NCOR1: variants seen among roughly 807,000 people sequenced by gnomAD.
The protein encoded by NCOR1 is protein phosphatase 1, regulatory subunit 109.
A neutral mutation model predicts 288.1 loss-of-function variants in NCOR1; 63 were observed. The ratio of observed to expected loss-of-function variants is 0.22; its 90% CI spans 0.18 to 0.27. The LOEUF (loss-of-function observed/expected upper bound fraction) is 0.27, where lower values mean the gene tolerates loss of function less well. NCOR1 is among the 10% of genes least tolerant of loss of function. The pLI is 1.00. For synonymous variants in NCOR1, 1,007 were observed against 1,065.9 expected (o/e 0.94, Z 1.08); for missense variants, 2,397 against 3,019.2 (o/e 0.79, Z 4.83).
chr17:16,039,769 C>T, intron 43 of NCOR1, 115 bp from the exon 44 acceptor site: 1 of 916,786 alleles, frequency 1.1e-6, no homozygotes, highest in South Asian at 1.6e-5. Context: ...TGACCTAGAA[C>T]AATACCAGGA....
Position 16,098,514 on chromosome 17 carries a change from A to G in NCOR1, c.2691-18T>C. On this transcript the variant is annotated intron_variant, in intron 20 of 45. Transcript: ENST00000268712. ...GAAACATTCTGCAATTGCAATTTAAAAAAAAGATAAATGAATACATTTTTA... is the reference window on the plus strand; with the variant it reads ...GAAACATTCTGCAATTGCAATTTAAGAAAAAGATAAATGAATACATTTTTA... 1.3e-6 allele frequency: 2 copies of G among 1,593,448 alleles called. No individual in the cohort carries two copies. The highest frequency in any genetic ancestry group is 1.7e-6 in the Non-Finnish European group (2 of 1,169,888).
chr17:16,053,538 A>T (rs757213908), intron 40 of NCOR1, among the ~76,000 whole-genome samples: 1 of 152,210 alleles, frequency 6.6e-6, no homozygotes, highest in African/African-American at 2.4e-5. Flanking sequence ...AAAGAGATAA[A>T]AGATGAAAAG....
rs118011421 is a variant in NCOR1 at position 16,053,284 on chromosome 17, T to A, written c.6392+4230A>T. ...CTGTTTGCAGACATAATCCCATATCTAGAAAACTCCATAGTCTCAGCCCCA... is the reference window on the plus strand; with the variant it reads ...CTGTTTGCAGACATAATCCCATATCAAGAAAACTCCATAGTCTCAGCCCCA... On this transcript the variant is annotated intron_variant, in intron 40 of 45. Transcript: ENST00000268712. Among the ~76,000 whole-genome samples the A allele has an allele frequency of 2.6e-4, 39 of 152,284 alleles. No homozygotes were observed. The East Asian group carries it at 7.1e-3, about 28-fold the overall frequency.
At chr17:16,076,245 T>C (rs1203045999) in intron 26 of NCOR1, among the ~76,000 whole-genome samples, 1 of 152,232 alleles carries the variant, frequency 6.6e-6, no homozygotes, top group Non-Finnish European at 1.5e-5. Flanking sequence ...ATGAAAATTA[T>C]GTTATACAAA....
intron 18 of NCOR1, among the ~76,000 whole-genome samples, chr17:16,109,698 A>G (rs1054433979): frequency 3.3e-5 from 5 of 152,096 alleles, no homozygotes; most frequent in Non-Finnish European, 7.4e-5. Context: ...GCAACAACTC[A>G]TCATTGATAT....
intron 42 of NCOR1, among the ~76,000 whole-genome samples, chr17:16,043,598 T>G (rs142179198): frequency 6.6e-6 from 1 of 152,296 alleles, no homozygotes; most frequent in Non-Finnish European, 1.5e-5. Context: ...AAAGTAGGCT[T>G]CTTCAGTTCA....
At chr17:16,214,907 T>C (rs1300755045) in intron 1 of NCOR1, among the ~76,000 whole-genome samples, 1 of 152,262 alleles carries the variant, frequency 6.6e-6, no homozygotes, top group Non-Finnish European at 1.5e-5. Context: ...TAATTTACTC[T>C]GCACGCACTT....
intron 14 of NCOR1, among the ~76,000 whole-genome samples, chr17:16,136,136 A>T (rs2076361086): frequency 6.6e-6 from 1 of 152,166 alleles, no homozygotes; most frequent in African/African-American, 2.4e-5. Flanking sequence ...AACTGTGAAA[A>T]CTAACCTTTT....
chr17:16,103,644 A>G (rs2068034841), intron 19 of NCOR1, among the ~76,000 whole-genome samples: 1 of 152,244 alleles, frequency 6.6e-6, no homozygotes, highest in Non-Finnish European at 1.5e-5. Flanking sequence ...GAGACTTTGT[A>G]CATGCCATTC....
At chr17:16,108,756 G>C (rs772785628) in intron 19 of NCOR1, 30 bp downstream of exon 19, 79 of 1,566,680 alleles carry the variant, frequency 5.0e-5, no homozygotes, top group Non-Finnish European at 6.4e-5. Context: ...GATAGCAGAT[G>C]TCACAACTAA....
intron 1 of NCOR1, among the ~76,000 whole-genome samples, chr17:16,205,147 G>C (rs1180801167): frequency 1.3e-5 from 2 of 151,806 alleles, no homozygotes; most frequent in Admixed American, 6.6e-5. Flanking sequence ...TTGAACCCAG[G>C]AGGCAGAGAT....
At position 16,141,568 on chromosome 17, in the gene NCOR1, C is replaced by T. The variant is rs535752276; in HGVS notation, c.1173+2038G>A. On this transcript the variant is annotated intron_variant, in intron 11 of 45. Transcript: ENST00000268712. Reference sequence around the variant, plus strand: ...ATATACTTTTATTTAGTTATGAATGCAAAACAGGGTATCATAATTAAATAC... The same window carrying T: ...ATATACTTTTATTTAGTTATGAATGTAAAACAGGGTATCATAATTAAATAC... Among the ~76,000 whole-genome samples, 176 of 152,068 alleles carry T rather than the reference C, an allele frequency of 1.2e-3. 1 individual carries two copies. The highest frequency in any genetic ancestry group is 4.0e-3 in the African/African-American group (168 of 41,490).
rs369195312 is a variant in NCOR1 at position 16,101,303 on chromosome 17, G to A, written c.2637C>T (p.Ser879=). 7.2e-5 allele frequency: 116 copies of A among 1,613,492 alleles called. 1 individual carries two copies. The African/African-American group carries it at 1.3e-3, about 18-fold the overall frequency. ...CCTCATCAGCGCTGCACGTGGCACT[G>A]GAATCATTGTCTGACTGGGGCTCGG... ...QRPEPQSDND[S]SATCSADEDV... Residue 879 remains serine (S), a synonymous_variant, in exon 20 of 46, where the codon TCC becomes TCT. Transcript: ENST00000268712.
chr17:16,166,192 A>G (rs75741921), intron 4 of NCOR1, among the ~76,000 whole-genome samples: 3 of 152,188 alleles, frequency 2.0e-5, no homozygotes, highest in African/African-American at 7.2e-5. Context: ...AACCTGTACA[A>G]TTCTGTAAGG....
At position 16,061,569 on chromosome 17, in the gene NCOR1, T is replaced by C. The variant is rs1282517546; in HGVS notation, c.5713A>G (p.Lys1905Glu). Residue 1905 changes from lysine (K) to glutamate (E), a missense_variant, in exon 37 of 46, where the codon AAA (lysine) becomes GAA (glutamate). By Grantham distance (56) the Lys-to-Glu change is moderately conservative (BLOSUM62 1). Around this residue, in one of 11 missense-constraint regions of NCOR1, gnomAD observed 1,872 missense variants for 2,187.8 expected, o/e 0.86. Coordinates refer to ENST00000268712, the MANE Select transcript of NCOR1 (RefSeq NM_006311.4). ...GATTTTGGAGGAGGCCCTTTATCTTTCCCAGCCTCAGAATAAACTACTGAA... is the reference window on the plus strand; with the variant it reads ...GATTTTGGAGGAGGCCCTTTATCTTCCCCAGCCTCAGAATAAACTACTGAA... ...HSSVVYSEAG[K>E]DKGPPPKSRY... is the part of the protein sequence containing the mutation. The C allele has an allele frequency of 6.2e-7, 1 of 1,614,224 alleles. No individual in the cohort carries two copies. The highest frequency in any genetic ancestry group is 1.7e-5 in the Admixed American group (1 of 60,022).
At chr17:16,126,248 A>T in intron 14 of NCOR1, 42 bp from the exon 15 acceptor site, 1 of 1,503,866 alleles carries the variant, frequency 6.6e-7, no homozygotes. Context: ...AAAGGCAAAC[A>T]GAAATAGCTC....
chr17:16,074,580 T>C (rs1262532230), intron 27 of NCOR1, among the ~76,000 whole-genome samples: 4 of 152,318 alleles, frequency 2.6e-5, no homozygotes, highest in Non-Finnish European at 5.9e-5. Flanking sequence ...ATCAAGCATT[T>C]TGCAGCATCT....
At chr17:16,048,648 TATG>T (rs918196498) in intron 41 of NCOR1, among the ~76,000 whole-genome samples, 194 bp downstream of exon 41, 15 of 152,062 alleles carry the variant, frequency 9.9e-5, no homozygotes, top group Non-Finnish European at 2.1e-4. Flanking sequence ...CCTATTTAAA[TATG>T]ATATTATAAA....
At chr17:16,055,163 C>G (rs976814016) in intron 40 of NCOR1, among the ~76,000 whole-genome samples, 1 of 152,184 alleles carries the variant, frequency 6.6e-6, no homozygotes, top group Non-Finnish European at 1.5e-5. Flanking sequence ...ACCCAACAAT[C>G]CCATTACTGG....
Sources: gnomAD v4.1 joint callset for allele counts (sites outside exome capture counted in the v4.1 genomes callset) on GRCh38, gnomAD v4.1.1 for gene constraint, gnomAD v4.1.1 regional missense constraint, MANE v1.5 for transcripts, NCBI Gene and HGNC (gene_info 2026-07-23, HGNC 2026-07-21) for gene names.